The following SORCS1 variants were observed in gnomAD, a reference collection of about 807,000 sequenced individuals.
SORCS1 encodes sortilin related VPS10 domain containing receptor 1.
A neutral mutation model predicts 146.1 loss-of-function variants in SORCS1; 60 were observed. The observed-to-expected ratio is 0.41, with a 90% confidence interval of 0.33 to 0.51. SORCS1 has a LOEUF of 0.51. Among genes scored for constraint, SORCS1 ranks in the 20% least tolerant of loss-of-function variants. The pLI, the probability that SORCS1 is intolerant of heterozygous loss-of-function variation, is 0.21. For synonymous variants in SORCS1, 637 were observed against 584.0 expected, an observed-to-expected ratio of 1.09 and a Z score of -1.31; for missense variants, 1,352 against 1,487.6, an observed-to-expected ratio of 0.91 and a Z score of 1.50.
chr10:106,934,100 C>CAAAAA (rs57432764), intron 2 of SORCS1, among the ~76,000 whole-genome samples: 9 of 97,554 alleles, frequency 9.2e-5, no homozygotes, highest in East Asian at 3.0e-4. Context: ...TCTCAAAAAA[C>CAAAAA]AAAAAAAAAA....
At chr10:107,001,135 T>C (rs544586772) in intron 1 of SORCS1, among the ~76,000 whole-genome samples, 2 of 152,064 alleles carry the variant, frequency 1.3e-5, no homozygotes, top group African/African-American at 2.4e-5. Flanking sequence ...AGCATAAAAA[T>C]AGGCAGAGAG....
the SORCS1 span, among the ~76,000 whole-genome samples, chr10:107,175,294 T>C: frequency 1.3e-5 from 2 of 152,214 alleles, no homozygotes; most frequent in Non-Finnish European, 2.9e-5. Context: ...GTTCACCCTT[T>C]CTCTATATTC....
intron 5 of SORCS1, among the ~76,000 whole-genome samples, chr10:106,758,055 G>A (rs1564936979): frequency 6.6e-6 from 1 of 152,036 alleles, no homozygotes; most frequent in Non-Finnish European, 1.5e-5. Flanking sequence ...AAAAGAAGGA[G>A]GTTTTATTTA....
intron 9 of SORCS1, among the ~76,000 whole-genome samples, chr10:106,692,455 G>T (rs1853369355): frequency 6.6e-6 from 1 of 152,166 alleles, no homozygotes. Context: ...CTGGGGAGAA[G>T]ATGCGAGGAG....
At chr10:106,608,383 T>A (rs1397069263) in intron 22 of SORCS1, among the ~76,000 whole-genome samples, 1 of 152,240 alleles carries the variant, frequency 6.6e-6, no homozygotes, top group Non-Finnish European at 1.5e-5. Flanking sequence ...ATGAGTCATC[T>A]TAAAGCTTAT....
At chr10:107,045,163 G>T (rs377094255) in intron 1 of SORCS1, among the ~76,000 whole-genome samples, 24 of 152,266 alleles carry the variant, frequency 1.6e-4, no homozygotes, top group African/African-American at 5.5e-4. Flanking sequence ...AAAGGGGAGC[G>T]ATCCAATCAG....
At chr10:106,733,973 G>A (rs1450950431) in intron 5 of SORCS1, among the ~76,000 whole-genome samples, 2 of 152,080 alleles carry the variant, frequency 1.3e-5, no homozygotes, top group African/African-American at 2.4e-5. Flanking sequence ...CTCTCTGCTT[G>A]CCTAAGTACA....
chr10:107,132,094 A>C (rs887180684), intron 1 of SORCS1, among the ~76,000 whole-genome samples: 11 of 152,204 alleles, frequency 7.2e-5, no homozygotes, highest in African/African-American at 2.4e-4. Flanking sequence ...TTTGCCTAGC[A>C]TTTAAAGGCA....
At chr10:107,020,910 C>T (rs985981614) in intron 1 of SORCS1, among the ~76,000 whole-genome samples, 6 of 152,022 alleles carry the variant, frequency 3.9e-5, no homozygotes, top group Admixed American at 1.3e-4. Context: ...ACATTGTACA[C>T]GCTTTTATTT....
At chr10:106,954,550 T>G (rs910700066) in intron 2 of SORCS1, among the ~76,000 whole-genome samples, 3 of 152,114 alleles carry the variant, frequency 2.0e-5, no homozygotes, top group Non-Finnish European at 1.5e-5. Context: ...GGCTTGAAGG[T>G]TGGGTTTCAT....
chr10:107,119,156 A>G (rs565537961), intron 1 of SORCS1, among the ~76,000 whole-genome samples: 1 of 152,380 alleles, frequency 6.6e-6, no homozygotes, highest in South Asian at 2.1e-4. Context: ...AAGTGAAAGG[A>G]AAAGGCAAAA....
chr10:106,984,882 T>C (rs1483818695), intron 1 of SORCS1, among the ~76,000 whole-genome samples: 2 of 151,920 alleles, frequency 1.3e-5, no homozygotes. Context: ...TCTCATTAAG[T>C]TGTTGAAAAA....
chr10:106,768,445 G>A (rs1434721941), intron 4 of SORCS1, among the ~76,000 whole-genome samples: 1 of 152,206 alleles, frequency 6.6e-6, no homozygotes, highest in African/African-American at 2.4e-5. Context: ...TCCCCAGGGG[G>A]TTGAATTTCA....
At chr10:106,934,102 A>G (rs1178049200) in intron 2 of SORCS1, among the ~76,000 whole-genome samples, 1 of 132,538 alleles carries the variant, frequency 7.5e-6, no homozygotes, top group East Asian at 2.2e-4. Context: ...TCAAAAAACA[A>G]AAAAAAAAAA....
chr10:106,861,129 G>C (rs1949997706), intron 2 of SORCS1, among the ~76,000 whole-genome samples: 2 of 152,176 alleles, frequency 1.3e-5, no homozygotes, highest in Admixed American at 1.3e-4. Context: ...CAGGTGCAGT[G>C]GCTCATGCCT....
rs1338165388 is a variant in SORCS1 at position 106,960,436 on chromosome 10, C to T, written c.559-3856G>A. On this transcript the variant is annotated intron_variant, in intron 1 of 25. Transcript: ENST00000263054. The surrounding 1 kb of genome is among the most constrained non-coding windows in gnomAD (Gnocchi z 4.4). The stretch of plus-strand genomic sequence containing the variant: ...CTTTTTTTTTTTTGAGATGGAATCT[C>T]GCTCTGTCGCCAGGCTGGAGTGCAG... Among the ~76,000 whole-genome samples, 2 of 150,822 alleles carry T rather than the reference C, an allele frequency of 1.3e-5. No homozygotes were observed. Among genetic ancestry groups the T allele is most frequent in the Non-Finnish European group, 2.9e-5 (2 of 67,868 alleles).
intron 5 of SORCS1, among the ~76,000 whole-genome samples, chr10:106,737,710 C>CGA (rs1564914863): frequency 4.0e-5 from 6 of 150,666 alleles, no homozygotes; most frequent in Non-Finnish European, 7.4e-5. Context: ...CCACCCCCAC[C>CGA]AAAAAAGGAT....
chr10:106,801,736 T>C (rs1446941203), intron 3 of SORCS1, among the ~76,000 whole-genome samples: 8 of 152,134 alleles, frequency 5.3e-5, no homozygotes, highest in South Asian at 2.1e-4. Flanking sequence ...TTCACTGTGT[T>C]AGCCAGGACG....
chr10:106,646,569 C>T (rs912948899), intron 18 of SORCS1, among the ~76,000 whole-genome samples: 1 of 151,444 alleles, frequency 6.6e-6, no homozygotes, highest in Non-Finnish European at 1.5e-5. Flanking sequence ...GGTGGCATGC[C>T]CCTGTAGTTC....
Sources: gnomAD v4.1 joint callset for allele counts (sites outside exome capture counted in the v4.1 genomes callset) on GRCh38, gnomAD v4.1.1 for gene constraint, Gnocchi (gnomAD v3.1) non-coding constraint, MANE v1.5 for transcripts, NCBI Gene and HGNC (gene_info 2026-07-23, HGNC 2026-07-21) for gene names.